Variants in KLRG1 observed in about 807,000 individuals in gnomAD.
KLRG1 encodes the protein killer cell lectin like receptor G1, also known as killer cell lectin-like receptor subfamily G member 1.
A neutral mutation model predicts 21.8 loss-of-function variants in KLRG1; 16 were observed. The observed-to-expected ratio is 0.73, with a 90% CI of 0.50 to 1.11. The LOEUF is 1.11. Among genes scored for constraint, KLRG1 ranks in the 50% most tolerant of loss-of-function variants. The probability of loss-of-function intolerance (pLI) is 0.00; values close to 1 mark genes in which losing one functional copy is unlikely to be tolerated. For missense variants in KLRG1, 173 were observed against 218.3 expected, an observed-to-expected ratio of 0.79 and a Z score of 1.31; for synonymous variants, 69 against 75.9, an observed-to-expected ratio of 0.91 and a Z score of 0.47.
chr12:8,995,795 G>A (rs1947112823), intron 3 of KLRG1, among the ~76,000 whole-genome samples: 1 of 151,668 alleles, frequency 6.6e-6, no homozygotes. Flanking sequence ...CGCTTCTCCT[G>A]CCTCAGCCTC....
At chr12:9,153,546 A>C in the KLRG1 span, among the ~76,000 whole-genome samples, 1 of 152,256 alleles carries the variant, frequency 6.6e-6, no homozygotes, top group Non-Finnish European at 1.5e-5. Flanking sequence ...ATAAAAGGCT[A>C]ATAATGTTTA....
the KLRG1 span, among the ~76,000 whole-genome samples, chr12:9,158,166 G>C: frequency 6.6e-6 from 1 of 152,246 alleles, no homozygotes; most frequent in East Asian, 1.9e-4. Flanking sequence ...TGTTGCCCAG[G>C]CTAGTCTTAT....
chr12:9,121,121 C>T, the KLRG1 span, among the ~76,000 whole-genome samples: 6 of 152,142 alleles, frequency 3.9e-5, no homozygotes, highest in East Asian at 1.9e-4. This position sits in a 1 kb window ranked among gnomAD's most constrained non-coding sequence, Gnocchi z 4.4. Context: ...CCTGGCCTCA[C>T]GGGATCTTCC....
At chr12:9,030,304 T>A in the KLRG1 span, among the ~76,000 whole-genome samples, 1 of 152,210 alleles carries the variant, frequency 6.6e-6, no homozygotes, top group Admixed American at 6.5e-5. Flanking sequence ...AAAGTGTACA[T>A]AATATAAAGT....
the KLRG1 span, among the ~76,000 whole-genome samples, chr12:9,171,295 A>G: frequency 6.6e-6 from 1 of 152,208 alleles, no homozygotes; most frequent in African/African-American, 2.4e-5. Flanking sequence ...AGAAAAACAA[A>G]CAAACAAACA....
chr12:9,115,982 C>T, the KLRG1 span: 1 of 747,302 alleles, frequency 1.3e-6, no homozygotes, highest in Non-Finnish European at 2.4e-6. Context: ...GTTCCACCCA[C>T]ACAAGATCTC....
chr12:8,960,633 A>G (rs1946366692), intron 1 of KLRG1, among the ~76,000 whole-genome samples: 2 of 152,176 alleles, frequency 1.3e-5, no homozygotes, highest in Non-Finnish European at 2.9e-5. Context: ...CATGTCTTTC[A>G]AGCAGAGGCC....
chr12:9,149,988 A>C, the KLRG1 span, among the ~76,000 whole-genome samples: 1 of 152,070 alleles, frequency 6.6e-6, no homozygotes, highest in African/African-American at 2.4e-5. Flanking sequence ...TAGACCCCCA[A>C]AACTCCACTC....
chr12:9,058,087 T>C, the KLRG1 span: 2 of 152,206 alleles, frequency 1.3e-5, no homozygotes, highest in Non-Finnish European at 2.9e-5. Flanking sequence ...TTTCCAAATA[T>C]TCAGGAAACA....
chr12:9,187,696 A>G, the KLRG1 span, among the ~76,000 whole-genome samples: 2 of 152,350 alleles, frequency 1.3e-5, no homozygotes, highest in African/African-American at 4.8e-5. Flanking sequence ...TAAGAGGGAA[A>G]CTTATAGCAC....
chr12:8,963,218 A>G (rs1045776586), intron 1 of KLRG1, among the ~76,000 whole-genome samples: 6 of 152,242 alleles, frequency 3.9e-5, no homozygotes, highest in Admixed American at 1.3e-4. Flanking sequence ...TTTTTTTAAC[A>G]TGAACACATG....
the KLRG1 span, among the ~76,000 whole-genome samples, chr12:9,043,061 G>A: frequency 6.7e-6 from 1 of 149,944 alleles, no homozygotes; most frequent in Non-Finnish European, 1.5e-5. Context: ...TTGGGTTTGT[G>A]TGCATGGCAG....
the KLRG1 span, among the ~76,000 whole-genome samples, chr12:9,143,449 T>TC: frequency 1.3e-5 from 2 of 151,940 alleles, no homozygotes; most frequent in African/African-American, 4.8e-5. Context: ...AGGGCATTCA[T>TC]CTGTAGGGTC....
chr12:9,124,005 A>G, the KLRG1 span, among the ~76,000 whole-genome samples: 2 of 152,224 alleles, frequency 1.3e-5, no homozygotes, highest in South Asian at 2.1e-4. Context: ...CCCTGCCAGC[A>G]TTCATTTAAT....
chr12:8,995,091 A>G, intron 2 of KLRG1, 28 bp from the exon 3 acceptor site: 1 of 1,555,304 alleles, frequency 6.4e-7, no homozygotes, highest in South Asian at 1.2e-5. Context: ...GTCCATAAAG[A>G]TGTGAACCAG....
chr12:8,953,464 C>A (rs746046423), intron 1 of KLRG1, among the ~76,000 whole-genome samples: 10 of 152,150 alleles, frequency 6.6e-5, no homozygotes, highest in Non-Finnish European at 1.3e-4. Flanking sequence ...GGGGATCAAT[C>A]AAAGAAAAAT....
At chr12:9,180,523 A>G in the KLRG1 span, among the ~76,000 whole-genome samples, 2 of 152,228 alleles carry the variant, frequency 1.3e-5, no homozygotes, top group African/African-American at 4.8e-5. Context: ...GATCTTCGAC[A>G]AACCTGAGAA....
the KLRG1 span, chr12:9,196,950 T>C: frequency 1.6e-6 from 2 of 1,264,056 alleles, no homozygotes; most frequent in African/African-American, 3.0e-5. Flanking sequence ...TTCTAGTTAG[T>C]AAAATGGAGT....
Position 8,957,903 on chromosome 12 carries a change from C to T in KLRG1, c.-156+7667C>T, listed in dbSNP as rs115951551. On this transcript the variant is annotated intron_variant, in intron 1 of 4. Transcript: ENST00000539240. ...TTTTTCATCTGATATTTTCAGACCT[C>T]GGTTGACTACTGGTAACTGAAATTG... 2.9e-3 allele frequency among the ~76,000 whole-genome samples: 445 copies of T among 152,278 alleles called. 4 individuals carry two copies. Among genetic ancestry groups the T allele is most frequent in the African/African-American group, 0.01 (433 of 41,556 alleles).
Sources: gnomAD v4.1 joint callset for allele counts (sites outside exome capture counted in the v4.1 genomes callset) on GRCh38, gnomAD v4.1.1 for gene constraint, Gnocchi (gnomAD v3.1) non-coding constraint, MANE v1.5 for transcripts, NCBI Gene and HGNC (gene_info 2026-07-23, HGNC 2026-07-21) for gene names.